The following ADGRL4 variants were observed in gnomAD, a reference collection of about 807,000 sequenced individuals.
ADGRL4 encodes the protein EGF, latrophilin and seven transmembrane domain containing 1.
In ADGRL4, 90 loss-of-function variants were observed where a neutral mutation model predicts 74.8. The ratio of observed to expected loss-of-function variants is 1.20; its 90% CI spans 1.02 to 1.43. The LOEUF is 1.43. Among genes scored for constraint, ADGRL4 ranks in the 40% most tolerant of loss-of-function variants. The probability of loss-of-function intolerance (pLI) is 0.00; values close to 1 mark genes in which losing one functional copy is unlikely to be tolerated. For missense variants in ADGRL4, 881 were observed against 814.3 expected (o/e 1.08, Z -1.00); for synonymous variants, 311 against 279.2 (o/e 1.11, Z -1.14).
rs535195080 is a variant in ADGRL4 at position 79,006,207 on chromosome 1, G to A, written c.22+426C>T. ...CTAAATCCCAGTGGCAAATAACTAT[G>A]TATACTGACTAAGCCGGAATTAGTT... On this transcript the variant is annotated intron_variant, in intron 1 of 14. Coordinates refer to ENST00000370742, the MANE Select transcript of ADGRL4 (RefSeq NM_022159.4). 2.0e-5 allele frequency among the ~76,000 whole-genome samples: 3 copies of A among 152,236 alleles called. No individual in the cohort carries two copies. In the South Asian group the frequency reaches 6.2e-4, roughly 32 times the overall value.
At chr1:79,006,552 T>G (rs2100747639) in intron 1 of ADGRL4, 81 bp downstream of exon 1, 1 of 1,482,754 alleles carries the variant, frequency 6.7e-7, no homozygotes, top group East Asian at 2.7e-5. Flanking sequence ...CCATGTGAGC[T>G]CCACCTCTTA....
intron 2 of ADGRL4, among the ~76,000 whole-genome samples, chr1:78,955,079 T>C (rs1439808394): frequency 6.6e-6 from 1 of 152,074 alleles, no homozygotes; most frequent in East Asian, 1.9e-4. Flanking sequence ...TATTTAGTAA[T>C]GTAAGAGATG....
intron 2 of ADGRL4, among the ~76,000 whole-genome samples, chr1:78,975,442 A>T (rs530339841): frequency 7.9e-5 from 12 of 152,022 alleles, no homozygotes; most frequent in Non-Finnish European, 1.8e-4. Flanking sequence ...TGTCCCTTAA[A>T]CAATTATCTG....
intron 2 of ADGRL4, 26 bp from the exon 3 acceptor site, chr1:78,946,452 T>C: frequency 6.5e-7 from 1 of 1,548,208 alleles, no homozygotes; most frequent in Non-Finnish European, 8.8e-7. Context: ...TTTAAAAGAT[T>C]ATTTTTATAT....
intron 9 of ADGRL4, 80 bp from the exon 10 acceptor site, chr1:78,920,466 CT>C (rs35209108): frequency 5.1e-6 from 4 of 790,190 alleles, no homozygotes; most frequent in African/African-American, 3.6e-5. Flanking sequence ...AATGAACTTC[CT>C]TTTTTGGTGA....
intron 2 of ADGRL4, among the ~76,000 whole-genome samples, chr1:78,980,413 A>G (rs1490757881): frequency 1.3e-5 from 2 of 152,008 alleles, no homozygotes; most frequent in East Asian, 3.9e-4. Flanking sequence ...AAAATAAAAA[A>G]AACTGTCTCT....
Position 79,005,084 on chromosome 1 carries a change from A to G in ADGRL4, c.158T>C (p.Val53Ala), listed in dbSNP as rs759046272. Reference sequence around the variant, plus strand: ...AGCTTGTTTACCTTCACAAATTGTGACACCATTTCCTGAAAATCCCATGTT... The same window carrying G: ...AGCTTGTTTACCTTCACAAATTGTGGCACCATTTCCTGAAAATCCCATGTT... The part of the protein sequence containing the change: ...YCNMGFSGNG[V>A]TICEDDNECG... Residue 53 changes from valine to alanine, a missense_variant, in exon 2 of 15, where the codon GTC (valine) becomes GCC (alanine). Physicochemically the swap from Val to Ala is moderately conservative, Grantham distance 64. Coordinates refer to ENST00000370742, the MANE Select transcript of ADGRL4 (RefSeq NM_022159.4). The G allele has an allele frequency of 2.5e-6, 4 of 1,611,972 alleles. No homozygotes were observed. The highest frequency in any genetic ancestry group is 3.4e-6 in the Non-Finnish European group (4 of 1,179,292).
chr1:78,927,439 T>C (rs1557500528), intron 7 of ADGRL4, among the ~76,000 whole-genome samples: 1 of 152,120 alleles, frequency 6.6e-6, no homozygotes, highest in Non-Finnish European at 1.5e-5. Flanking sequence ...TTCAAGTTAT[T>C]ATGTCCTTGT....
intron 9 of ADGRL4, among the ~76,000 whole-genome samples, chr1:78,921,012 A>T (rs1648987893): frequency 6.6e-6 from 1 of 151,564 alleles, no homozygotes. Context: ...TTAATGATAG[A>T]TTATAAATAA....
At chr1:78,919,434 G>A (rs1430250034) in intron 10 of ADGRL4, among the ~76,000 whole-genome samples, 1 of 151,924 alleles carries the variant, frequency 6.6e-6, no homozygotes, top group Non-Finnish European at 1.5e-5. Context: ...GAGACAAAAT[G>A]ATTCCCCTGA....
chr1:78,922,015 A>G (rs1018487791), intron 8 of ADGRL4, among the ~76,000 whole-genome samples: 1 of 152,004 alleles, frequency 6.6e-6, no homozygotes, highest in Admixed American at 6.6e-5. Flanking sequence ...ATTACAGTAA[A>G]TTACTCATGT....
At chr1:78,940,648 A>T (rs920306730) in intron 3 of ADGRL4, among the ~76,000 whole-genome samples, 4 of 152,162 alleles carry the variant, frequency 2.6e-5, no homozygotes, top group Admixed American at 6.5e-5. Context: ...TCTTAAAGAT[A>T]CTTTATATTA....
At chr1:78,973,096 T>A (rs6668563) in intron 2 of ADGRL4, among the ~76,000 whole-genome samples, 104,700 of 152,044 alleles carry the variant, frequency 0.69, 36,140 homozygotes, top group East Asian at 0.78. Flanking sequence ...TTCCTTCCAG[T>A]TTTAGTCTTT....
chr1:78,936,719 AC>A (rs1356374405), intron 6 of ADGRL4, among the ~76,000 whole-genome samples: 1 of 152,222 alleles, frequency 6.6e-6, no homozygotes, highest in African/African-American at 2.4e-5. Flanking sequence ...ATAAGCAACT[AC>A]AATGGCTTAC....
intron 2 of ADGRL4, among the ~76,000 whole-genome samples, chr1:78,948,797 T>C (rs1649664609): frequency 6.6e-6 from 1 of 152,028 alleles, no homozygotes; most frequent in Admixed American, 6.6e-5. Flanking sequence ...TCAACCATAT[T>C]AGGTTTGATT....
rs534064594 is a variant in ADGRL4 at position 78,986,663 on chromosome 1, T to C, written c.172+18407A>G. On this transcript the variant is annotated intron_variant, in intron 2 of 14. Transcript: ENST00000370742. ...AATTAAAAAGCAATATACATTACTTTTTGAATAGTTGGGGTAAAAGTAAAA... is the reference window on the plus strand; with the variant it reads ...AATTAAAAAGCAATATACATTACTTCTTGAATAGTTGGGGTAAAAGTAAAA... 2.0e-5 allele frequency among the ~76,000 whole-genome samples: 3 copies of C among 151,808 alleles called. No individual in the cohort carries two copies. In the South Asian group the frequency reaches 6.2e-4, roughly 31 times the overall value.
Position 78,891,557 on chromosome 1 carries a change from G to T in ADGRL4, c.1977C>A (p.Phe659Leu). 6.2e-7 allele frequency: 1 copy of T among 1,613,168 alleles called. No individual in the cohort carries two copies. Among genetic ancestry groups the T allele is most frequent in the Non-Finnish European group, 8.5e-7 (1 of 1,179,608 alleles). The change falls in exon 14 of 15, where the codon TTC becomes TTA. Residue 659 changes from phenylalanine to leucine, a missense_variant. Transcript: ENST00000370742. ...ATAAAACACACAGGAATAAAAAAAT[G>T]AACATCCCCTGGAAAGCATTGCTGA... Reference protein sequence around the residue: ...FTVSNAFQGMFIFLFLCVLSR... With the variant: ...FTVSNAFQGMLIFLFLCVLSR...
chr1:78,994,332 A>G (rs1235045895), intron 2 of ADGRL4, among the ~76,000 whole-genome samples: 1 of 152,172 alleles, frequency 6.6e-6, no homozygotes, highest in Non-Finnish European at 1.5e-5. Flanking sequence ...ATAACATTCA[A>G]TCAGATCTAA....
At chr1:78,946,449 G>A in intron 2 of ADGRL4, 23 bp from the exon 3 acceptor site, 3 of 1,564,746 alleles carry the variant, frequency 1.9e-6, no homozygotes, top group Non-Finnish European at 2.6e-6. Context: ...GAATTTAAAA[G>A]ATTATTTTTA....
Sources: gnomAD v4.1 joint callset for allele counts (sites outside exome capture counted in the v4.1 genomes callset) on GRCh38, gnomAD v4.1.1 for gene constraint, MANE v1.5 for transcripts, NCBI Gene and HGNC (gene_info 2026-07-23, HGNC 2026-07-21) for gene names.